The following OPA3 variants were observed in gnomAD, a reference collection of about 807,000 sequenced individuals.
OPA3 encodes the protein outer mitochondrial membrane lipid metabolism regulator OPA3, also known as optic atrophy 3 protein.
OPA3 carries 6 observed loss-of-function variants against 4.0 expected under a neutral mutation model. The observed-to-expected ratio is 1.51, with a 90% confidence interval of 0.83 to 2.99. The LOEUF is 2.99. Among genes scored for constraint, OPA3 ranks in the 30% most tolerant of loss-of-function variants. OPA3 has a pLI of 0.00. For missense variants in OPA3, 235 were observed against 256.2 expected, an observed-to-expected ratio of 0.92 and a Z score of 0.56; for synonymous variants, 105 against 117.1, an observed-to-expected ratio of 0.90 and a Z score of 0.67.
rs1969360212 is a variant in OPA3 at position 45,553,063 on chromosome 19, C to T, written c.*451G>A. On this transcript the variant is annotated 3_prime_UTR_variant, in exon 2 of 2. Coordinates refer to ENST00000263275, the MANE Select transcript of OPA3 (RefSeq NM_025136.4). ...AGGGGGAGAAAAGGCCACTGCAACA[C>T]ACTGCATTTCCTTACAGTGGTCTGT... 2 of 1,057,170 alleles carry T rather than the reference C, an allele frequency of 1.9e-6. No homozygotes were observed. The highest frequency in any genetic ancestry group is 1.1e-6 in the Non-Finnish European group (1 of 873,494). 65.5% of individuals were successfully genotyped at this position (1,057,170 alleles called of 1,614,324 possible). A position where few individuals can be genotyped will look rare whatever the true frequency, so the allele number is the denominator to read the frequency against.
chr19:45,542,558 C>A (rs764083895), downstream of OPA3, among the ~76,000 whole-genome samples: 1 of 151,726 alleles, frequency 6.6e-6, no homozygotes, highest in African/African-American at 2.4e-5. Flanking sequence ...AACATAGAAA[C>A]GGTACAGTAA....
At chr19:45,542,963 G>A (rs114899464), downstream of OPA3, among the ~76,000 whole-genome samples, 1,057 of 151,822 alleles carry the variant, frequency 7.0e-3, 8 homozygotes, top group African/African-American at 0.025. Flanking sequence ...GAGCTATCAT[G>A]CCCAGCGCGT....
chr19:45,558,983 G>A (rs577607410), intron 1 of OPA3, among the ~76,000 whole-genome samples: 3 of 151,774 alleles, frequency 2.0e-5, no homozygotes, highest in Non-Finnish European at 4.4e-5. Context: ...TCCCGGGTTC[G>A]AGTGATTCTC....
intron 1 of OPA3, among the ~76,000 whole-genome samples, chr19:45,583,296 G>T (rs192637288): frequency 0.011 from 1,623 of 152,010 alleles, 21 homozygotes; most frequent in Non-Finnish European, 0.018. Context: ...GACCACAGGC[G>T]CCCAGCCACC....
chr19:45,544,766 C>T (rs541161538), downstream of OPA3, among the ~76,000 whole-genome samples: 1 of 150,608 alleles, frequency 6.6e-6, no homozygotes, highest in East Asian at 2.0e-4. Flanking sequence ...TGCACTCCAG[C>T]CTGGGCAACA....
chr19:45,550,458 G>C lies in OPA3; in HGVS notation c.*3056C>G, dbSNP rs1218245497. 4 of 986,088 alleles carry C rather than the reference G, an allele frequency of 4.1e-6. No individual in the cohort carries two copies. Among genetic ancestry groups the C allele is most frequent in the Non-Finnish European group, 4.8e-6 (4 of 830,622 alleles). The allele number at this position is 986,088 out of a possible 1,614,324, so 61.1% of individuals were successfully genotyped here. On this transcript the variant is annotated 3_prime_UTR_variant, in exon 2 of 2. Transcript: ENST00000263275. ...ATCAACGCCACCTCTGGGATGGTCT[G>C]GGCCTCTGTGTAGAGATCGTCACCC...
chr19:45,534,916 T>C (rs1174897314), intron 1 of OPA3, among the ~76,000 whole-genome samples: 2 of 152,052 alleles, frequency 1.3e-5, no homozygotes, highest in Non-Finnish European at 2.9e-5. Flanking sequence ...CAGGTGTGAG[T>C]CACTGCATCC....
intron 1 of OPA3, among the ~76,000 whole-genome samples, chr19:45,537,410 A>AAAAAAAAAAAAAAAAAAAAAAAAACAAG (rs1555730890): frequency 3.3e-5 from 4 of 120,114 alleles, no homozygotes; most frequent in Non-Finnish European, 5.1e-5. Flanking sequence ...AAAAAAAAAA[A>AAAAAAAAAAAAAAAAAAAAAAAAACAAG]AAAAAAAAAA....
At chr19:45,563,145 T>C (rs905219637) in intron 1 of OPA3, among the ~76,000 whole-genome samples, 2 of 152,052 alleles carry the variant, frequency 1.3e-5, no homozygotes, top group Non-Finnish European at 2.9e-5. Flanking sequence ...TCCTGCAGCA[T>C]AGTGTATGAT....
rs886054525 is a variant in OPA3 at position 45,549,669 on chromosome 19, G to A, written c.*3845C>T. On this transcript the variant is annotated 3_prime_UTR_variant, in exon 2 of 2. Coordinates refer to ENST00000263275, the MANE Select transcript of OPA3 (RefSeq NM_025136.4). ...TAATTTTTGTATTTTTAGTAGAGACGGGGTTTTGCCATGTTGGCCAGGCTG... is the reference window on the plus strand; with the variant it reads ...TAATTTTTGTATTTTTAGTAGAGACAGGGTTTTGCCATGTTGGCCAGGCTG... 15 of 861,590 alleles carry A rather than the reference G, an allele frequency of 1.7e-5. No individual in the cohort carries two copies. Among genetic ancestry groups the A allele is most frequent in the East Asian group, 2.4e-4 (2 of 8,214 alleles). The allele number at this position is 861,590 out of a possible 1,614,324, so 53.4% of individuals were successfully genotyped here.
intron 1 of OPA3, among the ~76,000 whole-genome samples, chr19:45,531,693 TCTAGCCCCAG>T (rs1276317682): frequency 6.6e-6 from 1 of 152,178 alleles, no homozygotes; most frequent in African/African-American, 2.4e-5. Flanking sequence ...GATGATAAAT[TCTAGCCCCAG>T]AATGACTAGT....
chr19:45,529,186 G>T, exon 2 of OPA3: 1 of 1,610,612 alleles, frequency 6.2e-7, no homozygotes, highest in Non-Finnish European at 8.5e-7. Context: ...CTGCACCTGC[G>T]CCTGCAACTC....
chr19:45,564,688 C>T (rs1969556632), intron 1 of OPA3, among the ~76,000 whole-genome samples: 1 of 152,172 alleles, frequency 6.6e-6, no homozygotes, highest in African/African-American at 2.4e-5. Flanking sequence ...AAAGACATCC[C>T]AGTGGCTCCC....
chr19:45,558,086 C>T (rs980121557), intron 1 of OPA3, among the ~76,000 whole-genome samples: 1 of 152,160 alleles, frequency 6.6e-6, no homozygotes, highest in South Asian at 2.1e-4. Flanking sequence ...TTAATCCCAG[C>T]GCTTTGGGAG....
intron 1 of OPA3, among the ~76,000 whole-genome samples, chr19:45,555,053 C>T (rs549533948): frequency 7.9e-5 from 12 of 152,278 alleles, no homozygotes; most frequent in African/African-American, 2.9e-4. Flanking sequence ...GCCTCTCAAA[C>T]TGCTGGGATT....
chr19:45,538,814 A>T (rs1969151305), intron 1 of OPA3, among the ~76,000 whole-genome samples: 1 of 152,240 alleles, frequency 6.6e-6, no homozygotes, highest in Non-Finnish European at 1.5e-5. Context: ...CAGCCACTGG[A>T]ATGGCTATAG....
intron 1 of OPA3, among the ~76,000 whole-genome samples, chr19:45,571,197 G>A (rs890561675): frequency 6.6e-6 from 1 of 151,982 alleles, no homozygotes. Flanking sequence ...AGGCTGGAGT[G>A]CAATGGTGCG....
intron 1 of OPA3, among the ~76,000 whole-genome samples, chr19:45,535,008 T>C (rs752934827): frequency 2.4e-4 from 36 of 152,296 alleles, no homozygotes; most frequent in East Asian, 5.8e-4. Context: ...AGAGTTCCCT[T>C]GCCTAATGTG....
chr19:45,580,620 T>TTATG (rs1969840535), intron 1 of OPA3, among the ~76,000 whole-genome samples: 1 of 148,750 alleles, frequency 6.7e-6, no homozygotes, highest in South Asian at 2.1e-4. Context: ...ATTTATTTAT[T>TTATG]TATTTATTTA....
Sources: gnomAD v4.1 joint callset for allele counts (sites outside exome capture counted in the v4.1 genomes callset) on GRCh38, gnomAD v4.1.1 for gene constraint, MANE v1.5 for transcripts, NCBI Gene and HGNC (gene_info 2026-07-23, HGNC 2026-07-21) for gene names.